The following ACER1 variants were observed in gnomAD, a reference collection of about 807,000 sequenced individuals.
ACER1 encodes the protein CTB-180A7.3.
ACER1 carries 28 observed loss-of-function variants against 24.9 expected under a neutral mutation model. That is an observed-to-expected ratio of 1.13 (90% CI 0.83 to 1.54). ACER1 has a LOEUF of 1.54. Among genes scored for constraint, ACER1 ranks in the 40% most tolerant of loss-of-function variants. The pLI is 0.00. For synonymous variants in ACER1, 132 were observed against 131.4 expected (o/e 1.00, Z -0.03); for missense variants, 352 against 349.3 (o/e 1.01, Z -0.06).
chr19:6,317,573 C>T (rs1003785400), intron 1 of ACER1, among the ~76,000 whole-genome samples: 3 of 152,128 alleles, frequency 2.0e-5, no homozygotes, highest in Non-Finnish European at 2.9e-5. Context: ...TGAATATCAA[C>T]GCGTGCCTGA....
chr19:6,340,800 C>G, the ACER1 span, among the ~76,000 whole-genome samples: 8 of 151,954 alleles, frequency 5.3e-5, no homozygotes, highest in Admixed American at 3.9e-4. Context: ...GCTCTTCCCC[C>G]GCTAGGGGGA....
upstream of ACER1, among the ~76,000 whole-genome samples, chr19:6,334,322 G>A (rs761662482): frequency 6.6e-6 from 1 of 151,826 alleles, no homozygotes; most frequent in Non-Finnish European, 1.5e-5. Flanking sequence ...GGGATTATAG[G>A]TGTGCGTGAG....
At chr19:6,319,751 T>C (rs918054560) in intron 1 of ACER1, among the ~76,000 whole-genome samples, 22 of 152,026 alleles carry the variant, frequency 1.4e-4, no homozygotes, top group African/African-American at 5.3e-4. Context: ...CCCCACCCTG[T>C]ATCTAGAACA....
At chr19:6,354,067 A>G in the ACER1 span, among the ~76,000 whole-genome samples, 1 of 151,596 alleles carries the variant, frequency 6.6e-6, no homozygotes, top group Non-Finnish European at 1.5e-5. Context: ...CTGTAGTCCC[A>G]GCTACTCAGG....
chr19:6,310,917 A>T (rs536429368), intron 3 of ACER1, among the ~76,000 whole-genome samples: 2 of 150,772 alleles, frequency 1.3e-5, no homozygotes, highest in South Asian at 4.2e-4. Flanking sequence ...GAGAAGAAGA[A>T]GGTCCTGAGG....
intron 1 of ACER1, among the ~76,000 whole-genome samples, chr19:6,328,155 G>A (rs2091670324): frequency 6.6e-6 from 1 of 151,542 alleles, no homozygotes. Context: ...AGCTACAGTG[G>A]CATAGTTGCG....
the ACER1 span, among the ~76,000 whole-genome samples, chr19:6,354,782 G>T: frequency 4.0e-5 from 6 of 148,494 alleles, no homozygotes; most frequent in Non-Finnish European, 7.4e-5. Flanking sequence ...AACAGGAGAA[G>T]TGTCACTCCC....
chr19:6,346,901 C>T, the ACER1 span, among the ~76,000 whole-genome samples: 102 of 151,024 alleles, frequency 6.8e-4, no homozygotes, highest in African/African-American at 2.3e-3. Context: ...AGGCTGAGAC[C>T]GAGGAGGGAA....
rs2091552281 is a variant in ACER1 at position 6,306,388 on chromosome 19, A to G, written c.*326T>C. 3.9e-6 allele frequency: 1 copy of G among 258,954 alleles called. No homozygotes were observed. Among genetic ancestry groups the G allele is most frequent in the Non-Finnish European group, 7.5e-6 (1 of 132,622 alleles). The allele number at this position is 258,954 out of a possible 1,614,324, so 16.0% of individuals were successfully genotyped here. A position where few individuals can be genotyped will look rare whatever the true frequency, so the allele number is the denominator to read the frequency against. Reference sequence around the variant, plus strand: ...AGATGCCACATCCTTCAGTCACCCCAGTACCTGGTGACACAGTCCCACCAG... The same window carrying G: ...AGATGCCACATCCTTCAGTCACCCCGGTACCTGGTGACACAGTCCCACCAG... On this transcript the variant is annotated 3_prime_UTR_variant, in exon 6 of 6. Coordinates refer to ENST00000301452, the MANE Select transcript of ACER1 (RefSeq NM_133492.3).
At chr19:6,331,401 G>A (rs879474769) in intron 1 of ACER1, among the ~76,000 whole-genome samples, 6 of 139,418 alleles carry the variant, frequency 4.3e-5, no homozygotes, top group Non-Finnish European at 7.6e-5. Context: ...CACCCCCCTC[G>A]GCCTCCCAAA....
At chr19:6,311,998 G>T in intron 3 of ACER1, 151 bp downstream of exon 3, 1 of 1,054,704 alleles carries the variant, frequency 9.5e-7, no homozygotes, top group Non-Finnish European at 1.3e-6. Context: ...AGTCAGGCAG[G>T]GTCAGGAGAA....
chr19:6,356,135 T>A, the ACER1 span, among the ~76,000 whole-genome samples: 1 of 151,038 alleles, frequency 6.6e-6, no homozygotes, highest in Non-Finnish European at 1.5e-5. Context: ...TAAGAAAAAT[T>A]CTTCTGCCTT....
chr19:6,321,233 T>G (rs925726001), intron 1 of ACER1, among the ~76,000 whole-genome samples: 1 of 152,020 alleles, frequency 6.6e-6, no homozygotes, highest in African/African-American at 2.4e-5. Context: ...CCTCTTGGGT[T>G]CAAGCGATTC....
At chr19:6,329,295 T>G (rs572578454) in intron 1 of ACER1, among the ~76,000 whole-genome samples, 31 of 152,010 alleles carry the variant, frequency 2.0e-4, no homozygotes, top group Admixed American at 3.9e-4. Context: ...GGGAAGCCCT[T>G]TCTCACATAA....
rs2091587781 is a variant in ACER1, at chr19:6,312,641, C to T, written c.94-142G>A. The stretch of plus-strand genomic sequence containing the variant: ...GCATCAACCCAGGATTTGTCAATCA[C>T]TCACCTGTCAACCTTTCAGCCGACC... On this transcript the variant is annotated intron_variant, in intron 1 of 5. Coordinates refer to ENST00000301452, the MANE Select transcript of ACER1 (RefSeq NM_133492.3). 2.0e-5 allele frequency: 12 copies of T among 601,754 alleles called. No homozygotes were observed. In the South Asian group the frequency reaches 2.1e-4, roughly 10 times the overall value. 37.3% of individuals were successfully genotyped at this position (601,754 alleles called of 1,614,324 possible).
the ACER1 span, among the ~76,000 whole-genome samples, chr19:6,355,734 G>A: frequency 6.6e-5 from 9 of 135,872 alleles, no homozygotes; most frequent in African/African-American, 2.6e-4. Flanking sequence ...CAGCCGCCCC[G>A]TCCAGGAGGG....
chr19:6,317,746 T>C (rs977308903), intron 1 of ACER1, among the ~76,000 whole-genome samples: 6 of 152,044 alleles, frequency 3.9e-5, no homozygotes, highest in African/African-American at 1.4e-4. Context: ...TGTTTGTTAG[T>C]TTTGTTTTTG....
chr19:6,335,381 T>A (rs1380417066), upstream of ACER1, among the ~76,000 whole-genome samples: 1 of 151,688 alleles, frequency 6.6e-6, no homozygotes, highest in East Asian at 2.0e-4. Context: ...CCTGCCACCA[T>A]GCCCAGCTAA....
At chr19:6,359,250 A>G in the ACER1 span, among the ~76,000 whole-genome samples, 1 of 151,810 alleles carries the variant, frequency 6.6e-6, no homozygotes, top group Non-Finnish European at 1.5e-5. Context: ...AAAAGAGTCT[A>G]CCGCTTACTG....
Sources: gnomAD v4.1 joint callset for allele counts (sites outside exome capture counted in the v4.1 genomes callset) on GRCh38, gnomAD v4.1.1 for gene constraint, MANE v1.5 for transcripts, NCBI Gene and HGNC (gene_info 2026-07-23, HGNC 2026-07-21) for gene names.